The following POU2F1 variants were observed in gnomAD, a reference collection of about 807,000 sequenced individuals.
POU2F1 encodes POU domain, class 2, transcription factor 1.
In POU2F1, 16 loss-of-function variants were observed where a neutral mutation model predicts 84.9. The ratio of observed to expected loss-of-function variants is 0.19; its 90% CI spans 0.13 to 0.29. The LOEUF is 0.29. POU2F1 is among the 10% of genes least tolerant of loss of function. The probability of loss-of-function intolerance (pLI) is 1.00; values close to 1 mark genes in which losing one functional copy is unlikely to be tolerated. For synonymous variants in POU2F1, 368 were observed against 368.3 expected (o/e 1.00, Z 0.01); for missense variants, 738 against 942.6 (o/e 0.78, Z 2.84).
chr1:167,320,989 G>C (rs1656273619), intron 1 of POU2F1, among the ~76,000 whole-genome samples: 1 of 152,162 alleles, frequency 6.6e-6, no homozygotes, highest in African/African-American at 2.4e-5. Flanking sequence ...GCTATGTATG[G>C]TTACTTTCTG....
intron 1 of POU2F1, among the ~76,000 whole-genome samples, chr1:167,235,647 CAT>C (rs1351993557): frequency 6.6e-6 from 1 of 152,142 alleles, no homozygotes; most frequent in Admixed American, 6.5e-5. Flanking sequence ...TGCATGTACA[CAT>C]AATTTTTAAA....
In POU2F1 at chr1:167,417,261, TGAA is replaced by T. The variant is rs1315523985; in HGVS notation, c.*1456_*1458del. The T allele has an allele frequency of 2.6e-5, 4 of 152,324 alleles. No homozygotes were observed. In the South Asian group the frequency reaches 6.2e-4, roughly 24 times the overall value. The allele number at this position is 152,324 out of a possible 1,614,324, so 9.4% of individuals were successfully genotyped here. On this transcript the variant is annotated 3_prime_UTR_variant, in exon 16 of 16. Coordinates refer to ENST00000367866, the MANE Select transcript of POU2F1 (RefSeq NM_002697.4). ...GCCGGGCTGGGATCTGTAGAACCTT[TGAA>T]GAAGGACTTTGAGCAGGAACTTTGC...
At chr1:167,224,216 A>G (rs1648452239) in intron 1 of POU2F1, among the ~76,000 whole-genome samples, 1 of 152,218 alleles carries the variant, frequency 6.6e-6, no homozygotes, top group Non-Finnish European at 1.5e-5. Flanking sequence ...GGTTTTAGAT[A>G]GATAGTCATA....
In POU2F1 at chr1:167,423,147, A is replaced by G. The variant is rs1206041447; in HGVS notation, c.*7337A>G. On this transcript the variant is annotated 3_prime_UTR_variant, in exon 16 of 16. Transcript: ENST00000367866. ...TATCTCCATCTGTCTCCTGTAAAAG[A>G]TAAGAATTTTCAAGAACAGGATTAC... 3 of 152,226 alleles carry G rather than the reference A, an allele frequency of 2.0e-5. No individual in the cohort carries two copies. The highest frequency in any genetic ancestry group is 4.8e-5 in the African/African-American group (2 of 41,454). 9.4% of individuals were successfully genotyped at this position (152,226 alleles called of 1,614,324 possible).
Position 167,399,183 on chromosome 1 carries a change from C to T in POU2F1, c.1270-3C>T, listed in dbSNP as rs1649020981. 6.3e-7 allele frequency: 1 copy of T among 1,596,222 alleles called. No homozygotes were observed. The highest frequency in any genetic ancestry group is 8.5e-7 in the Non-Finnish European group (1 of 1,170,402). On this transcript the variant is annotated splice_region_variant and splice_polypyrimidine_tract_variant and intron_variant, in intron 11 of 15. Coordinates refer to ENST00000367866, the MANE Select transcript of POU2F1 (RefSeq NM_002697.4). ...TTTGGAATTACATCTTTTCACCCTG[C>T]AGAATCAAAAGCCTACCTCGGAAGA... is the stretch of plus-strand genomic sequence containing the variant.
At chr1:167,383,505 G>A (rs2101879047) in intron 7 of POU2F1, 1 of 159,822 alleles carries the variant, frequency 6.3e-6, no homozygotes, top group South Asian at 1.8e-4. Flanking sequence ...AGTTTCTAAT[G>A]GATTCTAGGT....
intron 9 of POU2F1, among the ~76,000 whole-genome samples, chr1:167,392,208 G>A (rs541988845): frequency 1.1e-4 from 16 of 152,012 alleles, no homozygotes; most frequent in African/African-American, 2.7e-4. Flanking sequence ...AAAATTAGCC[G>A]GGCGTGCTGG....
rs1201233221 is a variant in POU2F1 at position 167,421,508 on chromosome 1, T to G, written c.*5698T>G. ...TGAACTGTAGCTTTTAAAAAAAAAT[T>G]TTGTAGTTTTCTTCTAACCTTATTC... is the stretch of plus-strand genomic sequence containing the variant. On this transcript the variant is annotated 3_prime_UTR_variant, in exon 16 of 16. Coordinates refer to ENST00000367866, the MANE Select transcript of POU2F1 (RefSeq NM_002697.4). 6.6e-6 allele frequency: 1 copy of G among 152,186 alleles called. No individual in the cohort carries two copies. Among genetic ancestry groups the G allele is most frequent in the African/African-American group, 2.4e-5 (1 of 41,434 alleles). 9.4% of individuals were successfully genotyped at this position (152,186 alleles called of 1,614,324 possible).
intron 1 of POU2F1, among the ~76,000 whole-genome samples, chr1:167,303,894 G>A (rs964356818): frequency 2.0e-5 from 3 of 152,080 alleles, no homozygotes; most frequent in Non-Finnish European, 4.4e-5. Flanking sequence ...TCTTTATTCT[G>A]TGATGATATA....
At chr1:167,230,216 C>T (rs765220116) in intron 1 of POU2F1, among the ~76,000 whole-genome samples, 7 of 152,084 alleles carry the variant, frequency 4.6e-5, no homozygotes, top group African/African-American at 7.2e-5. Flanking sequence ...GTGTTTGGGA[C>T]GTTGTGTGAG....
At chr1:167,408,298 T>TA (rs1649721737) in intron 13 of POU2F1, among the ~76,000 whole-genome samples, 1 of 152,224 alleles carries the variant, frequency 6.6e-6, no homozygotes, top group Admixed American at 6.5e-5. Context: ...TGTAGAATGA[T>TA]ACAGCTTCGG....
chr1:167,289,482 T>C (rs1232867051), intron 1 of POU2F1, among the ~76,000 whole-genome samples: 1 of 152,190 alleles, frequency 6.6e-6, no homozygotes, highest in Non-Finnish European at 1.5e-5. Flanking sequence ...GAGGTGACAT[T>C]CAGACAAAGA....
At chr1:167,286,550 G>A (rs919743172) in intron 1 of POU2F1, among the ~76,000 whole-genome samples, 4 of 152,144 alleles carry the variant, frequency 2.6e-5, no homozygotes, top group East Asian at 3.8e-4. Flanking sequence ...TTATTTTCCT[G>A]TTGTAGCTAA....
rs769283420 is a variant in POU2F1, at chr1:167,365,539, C to T, written c.200C>T (p.Ala67Val). The change falls in exon 3 of 16, where the codon GCG becomes GTG. Residue 67 changes from alanine to valine, a missense_variant. Physicochemically the swap from Ala to Val is moderately conservative, Grantham distance 64. This residue lies in a region of POU2F1 where 161 missense variants were observed against 147.0 expected (regional missense o/e 1.10). Coordinates refer to ENST00000367866, the MANE Select transcript of POU2F1 (RefSeq NM_002697.4). ...GGAGGAGCAATCTCAACAGCCCAGGCGCAGGCTTTCCTTGGACATCTCCAT... is the reference window on the plus strand; with the variant it reads ...GGAGGAGCAATCTCAACAGCCCAGGTGCAGGCTTTCCTTGGACATCTCCAT... Reference protein sequence around the residue: ...PVGGAISTAQAQAFLGHLHQV... With the variant: ...PVGGAISTAQVQAFLGHLHQV... The T allele has an allele frequency of 1.0e-5, 16 of 1,600,784 alleles. No individual in the cohort carries two copies. The highest frequency in any genetic ancestry group is 2.3e-5 in the East Asian group (1 of 43,756).
intron 1 of POU2F1, among the ~76,000 whole-genome samples, chr1:167,315,095 G>A (rs1419890752): frequency 1.3e-5 from 2 of 152,136 alleles, no homozygotes; most frequent in Non-Finnish European, 2.9e-5. Context: ...CTCCCCAAAA[G>A]CAGATGCTGC....
chr1:167,407,592 CTTTAAA>C (rs1649670558), intron 13 of POU2F1, among the ~76,000 whole-genome samples: 1 of 152,128 alleles, frequency 6.6e-6, no homozygotes, highest in Non-Finnish European at 1.5e-5. Flanking sequence ...AGAAGCAAAA[CTTTAAA>C]TTTATGCTTT....
At chr1:167,267,630 CTTT>C (rs71073658) in intron 1 of POU2F1, among the ~76,000 whole-genome samples, 1 of 70,482 alleles carries the variant, frequency 1.4e-5, no homozygotes, top group Non-Finnish European at 2.5e-5. Flanking sequence ...GTTACTGTGT[CTTT>C]TTTTTTTTTT....
Position 167,284,265 on chromosome 1 carries a change from GTATT to G in POU2F1, c.62-48202_62-48199del, listed in dbSNP as rs557152212. On this transcript the variant is annotated intron_variant, in intron 1 of 15. Transcript: ENST00000367866. ...GCTATTCTGAAAAGGACCATAAAGA[GTATT>G]TACACCAAGTCTTTAGTTTTACAGA... is the stretch of plus-strand genomic sequence containing the variant. 2.6e-3 allele frequency among the ~76,000 whole-genome samples: 397 copies of G among 152,272 alleles called. 1 individual carries two copies. Among genetic ancestry groups the G allele is most frequent in the African/African-American group, 9.1e-3 (378 of 41,562 alleles).
chr1:167,278,812 G>GAATTTAAGAAAATTCTATTA (rs1652919232), intron 1 of POU2F1, among the ~76,000 whole-genome samples: 1 of 150,678 alleles, frequency 6.6e-6, no homozygotes, highest in African/African-American at 2.4e-5. Flanking sequence ...TATTTTAATA[G>GAATTTAAGAAAATTCTATTA]AATTTAATAA....
Sources: allele counts gnomAD v4.1 joint callset (sites outside exome capture counted in the v4.1 genomes callset), GRCh38; gene constraint gnomAD v4.1.1; regional missense constraint gnomAD v4.1.1; transcripts MANE v1.5; gene names NCBI Gene and HGNC (gene_info 2026-07-23, HGNC 2026-07-21).